Variants in PRKCE observed in about 807,000 individuals in gnomAD.
The protein encoded by PRKCE is protein kinase C epsilon.
A neutral mutation model predicts 85.4 loss-of-function variants in PRKCE; 16 were observed. The ratio of observed to expected loss-of-function variants is 0.19; its 90% CI spans 0.13 to 0.28. The LOEUF (loss-of-function observed/expected upper bound fraction) is 0.28, where lower values mean the gene tolerates loss of function less well. PRKCE is among the 10% of genes least tolerant of loss of function. The pLI is 1.00. For missense variants in PRKCE, 573 were observed against 975.2 expected (o/e 0.59, Z 5.49); for synonymous variants, 388 against 371.5 (o/e 1.04, Z -0.51).
At chr2:45,999,775 A>C (rs1367515360) in intron 6 of PRKCE, among the ~76,000 whole-genome samples, 1 of 151,894 alleles carries the variant, frequency 6.6e-6, no homozygotes, top group Non-Finnish European at 1.5e-5. Flanking sequence ...TTATCACCCA[A>C]TCCTTGGATA....
At chr2:45,699,688 CT>C (rs1310654988) in intron 1 of PRKCE, among the ~76,000 whole-genome samples, 1 of 152,014 alleles carries the variant, frequency 6.6e-6, no homozygotes, top group Non-Finnish European at 1.5e-5. Flanking sequence ...TTTTATGGTC[CT>C]GGAGGATTTC....
chr2:45,727,647 GTTTTA>G (rs1198690097), intron 1 of PRKCE, among the ~76,000 whole-genome samples: 1 of 152,026 alleles, frequency 6.6e-6, no homozygotes, highest in Non-Finnish European at 1.5e-5. Flanking sequence ...TGGGGCATGT[GTTTTA>G]TTTTATTTTA....
chr2:45,653,370 G>GTTGTTTTTTTTTTTT (rs1675220861), intron 1 of PRKCE, among the ~76,000 whole-genome samples: 1 of 61,466 alleles, frequency 1.6e-5, no homozygotes, highest in Non-Finnish European at 3.0e-5. Context: ...TTTTTGGGTT[G>GTTGTTTTTTTTTTTT]TTTTTTTTTT....
intron 2 of PRKCE, among the ~76,000 whole-genome samples, chr2:45,877,369 A>G (rs1694555140): frequency 6.7e-6 from 1 of 150,174 alleles, no homozygotes; most frequent in Non-Finnish European, 1.5e-5. Context: ...AAAGTTCGTT[A>G]TCTCTTCTCT....
At chr2:45,928,253 T>C (rs1698776171) in intron 2 of PRKCE, among the ~76,000 whole-genome samples, 1 of 152,234 alleles carries the variant, frequency 6.6e-6, no homozygotes, top group African/African-American at 2.4e-5. Context: ...GCTATAATGC[T>C]TTACATTTGA....
At chr2:45,890,862 T>A (rs1695672156) in intron 2 of PRKCE, among the ~76,000 whole-genome samples, 2 of 152,174 alleles carry the variant, frequency 1.3e-5, no homozygotes, top group African/African-American at 4.8e-5. Context: ...AGAGTGGAAT[T>A]ATGCAATGGA....
At chr2:45,939,317 C>A (rs1407060293) in intron 2 of PRKCE, among the ~76,000 whole-genome samples, 2 of 152,160 alleles carry the variant, frequency 1.3e-5, no homozygotes, top group African/African-American at 4.8e-5. Flanking sequence ...GCCAGCACTG[C>A]CACCTTCCCC....
rs186936689 is a variant in PRKCE at position 45,765,926 on chromosome 2, G to A, written c.349-77074G>A. Reference sequence around the variant, plus strand: ...CAAGTGTAGGAAAGGGAATTATATTGGGTAACTGTGGGTAGCAGAAAGAAC... The same window carrying A: ...CAAGTGTAGGAAAGGGAATTATATTAGGTAACTGTGGGTAGCAGAAAGAAC... On this transcript the variant is annotated intron_variant, in intron 1 of 14. Transcript: ENST00000306156. 3.9e-5 allele frequency among the ~76,000 whole-genome samples: 6 copies of A among 152,322 alleles called. No individual in the cohort carries two copies. In the East Asian group the frequency reaches 9.6e-4, roughly 24 times the overall value.
rs1386146514 is a variant in PRKCE at position 45,652,913 on chromosome 2, T to A, written c.348+465T>A. Among the ~76,000 whole-genome samples the A allele has an allele frequency of 2.6e-5, 4 of 152,174 alleles. No individual in the cohort carries two copies. The highest frequency in any genetic ancestry group is 1.3e-4 in the Admixed American group (2 of 15,282). On this transcript the variant is annotated intron_variant, in intron 1 of 14. Coordinates refer to ENST00000306156, the MANE Select transcript of PRKCE (RefSeq NM_005400.3). This position sits in a 1 kb window ranked among gnomAD's most constrained non-coding sequence, Gnocchi z 7.7. The stretch of plus-strand genomic sequence containing the variant: ...AGCCGAGCGAGGAGTTGCTTTATTT[T>A]TCCCTCCGAGAGGAAGCTGGCTTGT...
In PRKCE at chr2:45,905,490, T is replaced by C. The variant is rs925384472; in HGVS notation, c.412+62427T>C. 2.0e-5 allele frequency among the ~76,000 whole-genome samples: 3 copies of C among 152,206 alleles called. No individual in the cohort carries two copies. Reference sequence around the variant, plus strand: ...GGGCCATAGTAGACTATGGCTTTAATAATCAGGTAAAAAACACCCTGCCAT... The same window carrying C: ...GGGCCATAGTAGACTATGGCTTTAACAATCAGGTAAAAAACACCCTGCCAT... On this transcript the variant is annotated intron_variant, in intron 2 of 14. Coordinates refer to ENST00000306156, the MANE Select transcript of PRKCE (RefSeq NM_005400.3). The surrounding 1 kb of genome is among the most constrained non-coding windows in gnomAD (Gnocchi z 4.4).
intron 1 of PRKCE, among the ~76,000 whole-genome samples, chr2:45,838,891 T>C (rs1359324815): frequency 1.3e-5 from 2 of 152,168 alleles, no homozygotes; most frequent in African/African-American, 4.8e-5. Flanking sequence ...GAAATAACAT[T>C]GGACTAAGAA....
Position 45,777,979 on chromosome 2 carries a change from G to A in PRKCE, c.349-65021G>A, listed in dbSNP as rs1685882645. Among the ~76,000 whole-genome samples the A allele has an allele frequency of 2.0e-5, 3 of 152,190 alleles. No individual in the cohort carries two copies. In the South Asian group the frequency reaches 6.2e-4, roughly 32 times the overall value. On this transcript the variant is annotated intron_variant, in intron 1 of 14. Coordinates refer to ENST00000306156, the MANE Select transcript of PRKCE (RefSeq NM_005400.3). ...TCAGCATGGGAAGACTTGGCACCGA[G>A]TCTGTATCACAGGATGAGCAGGGCT...
chr2:45,685,081 G>A (rs140997668), intron 1 of PRKCE, among the ~76,000 whole-genome samples: 3 of 152,180 alleles, frequency 2.0e-5, no homozygotes, highest in South Asian at 2.1e-4. Flanking sequence ...GAATCAAGAC[G>A]AGAATAAAAG....
chr2:46,128,312 T>C (rs1351003834), intron 11 of PRKCE, among the ~76,000 whole-genome samples: 1 of 152,232 alleles, frequency 6.6e-6, no homozygotes, highest in Non-Finnish European at 1.5e-5. Context: ...ACTCATGGTT[T>C]AAATGGTCAA....
rs1221651146 is a variant in PRKCE, at chr2:46,145,354, T to G, written c.1731+123T>G. 2 of 1,323,064 alleles carry G rather than the reference T, an allele frequency of 1.5e-6. No individual in the cohort carries two copies. Among genetic ancestry groups the G allele is most frequent in the Admixed American group, 4.1e-5 (2 of 48,330 alleles). The allele number at this position is 1,323,064 out of a possible 1,614,324, so 82.0% of individuals were successfully genotyped here. A position where few individuals can be genotyped will look rare whatever the true frequency, so the allele number is the denominator to read the frequency against. On this transcript the variant is annotated intron_variant, in intron 12 of 14. Transcript: ENST00000306156. This position sits in a 1 kb window ranked among gnomAD's most constrained non-coding sequence, Gnocchi z 4.6. ...GGCTCTGGAAATCCAGGATGGATTC[T>G]AGGAAGGAGGGAGAAAAGGAAAGGA...
At chr2:45,918,989 G>A (rs1319803398) in intron 2 of PRKCE, among the ~76,000 whole-genome samples, 1 of 152,206 alleles carries the variant, frequency 6.6e-6, no homozygotes, top group Non-Finnish European at 1.5e-5. Flanking sequence ...AGTGGCCAGG[G>A]TATGCCAGCT....
chr2:45,974,958 C>T (rs1453085286), intron 2 of PRKCE, among the ~76,000 whole-genome samples: 1 of 152,142 alleles, frequency 6.6e-6, no homozygotes, highest in Non-Finnish European at 1.5e-5. Flanking sequence ...GGCAGCTGGA[C>T]TCTTTGGTGA....
intron 1 of PRKCE, among the ~76,000 whole-genome samples, chr2:45,790,728 G>A (rs765976766): frequency 1.1e-4 from 17 of 152,250 alleles, no homozygotes; most frequent in South Asian, 1.0e-3. Context: ...AAGGTTATTC[G>A]GCTTGAGAAG....
At chr2:45,879,044 A>G (rs1694687896) in intron 2 of PRKCE, among the ~76,000 whole-genome samples, 1 of 152,222 alleles carries the variant, frequency 6.6e-6, no homozygotes, top group Non-Finnish European at 1.5e-5. Flanking sequence ...ACTACGGCAA[A>G]AAGTGAGAAC....
Sources: allele counts gnomAD v4.1 joint callset (sites outside exome capture counted in the v4.1 genomes callset), GRCh38; gene constraint gnomAD v4.1.1; non-coding constraint Gnocchi (gnomAD v3.1); transcripts MANE v1.5; gene names NCBI Gene and HGNC (gene_info 2026-07-23, HGNC 2026-07-21).